The following ANO3 variants were observed in gnomAD, a reference collection of about 807,000 sequenced individuals.
ANO3 encodes anoctamin 3, also known as anoctamin-3.
In ANO3, 99 loss-of-function variants were observed where a neutral mutation model predicts 144.8. The observed-to-expected ratio is 0.68, with a 90% CI of 0.58 to 0.81. The LOEUF (loss-of-function observed/expected upper bound fraction) is 0.81, where lower values mean the gene tolerates loss of function less well. Ranked by LOEUF, ANO3 falls within the 30% of genes least tolerant of loss-of-function variation. The pLI, the probability that ANO3 is intolerant of heterozygous loss-of-function variation, is 0.00. For synonymous variants in ANO3, 414 were observed against 392.6 expected (o/e 1.05, Z -0.64); for missense variants, 905 against 1,202.2 (o/e 0.75, Z 3.66).
chr11:26,324,528 T>A (rs984290430), intron 1 of ANO3, among the ~76,000 whole-genome samples: 1 of 152,202 alleles, frequency 6.6e-6, no homozygotes, highest in Non-Finnish European at 1.5e-5. Flanking sequence ...ATATACACTT[T>A]TAAAAATGAG....
At chr11:26,430,644 TAGAAGAC>T (rs1217254221) in intron 1 of ANO3, among the ~76,000 whole-genome samples, 1 of 151,692 alleles carries the variant, frequency 6.6e-6, no homozygotes, top group African/African-American at 2.4e-5. Context: ...GTTAATGAAA[TAGAAGAC>T]AGAAAAGCAA....
At chr11:26,433,417 C>T (rs1294126660) in intron 1 of ANO3, among the ~76,000 whole-genome samples, 2 of 152,106 alleles carry the variant, frequency 1.3e-5, no homozygotes. Context: ...TTGGCCAGGA[C>T]TTCCAATACT....
upstream of ANO3, among the ~76,000 whole-genome samples, chr11:26,307,972 A>G (rs889976738): frequency 6.6e-6 from 1 of 152,012 alleles, no homozygotes; most frequent in African/African-American, 2.4e-5. Flanking sequence ...CTCACACCTG[A>G]AGTTACCTTG....
chr11:26,558,644 G>A (rs293964), intron 13 of ANO3, among the ~76,000 whole-genome samples: 3,218 of 152,180 alleles, frequency 0.021, 117 homozygotes, highest in African/African-American at 0.074. Flanking sequence ...TTCAAAGGGA[G>A]CGCATCTTTT....
At chr11:26,400,644 C>T (rs1340212559) in intron 1 of ANO3, among the ~76,000 whole-genome samples, 1 of 151,524 alleles carries the variant, frequency 6.6e-6, no homozygotes, top group East Asian at 1.9e-4. Flanking sequence ...TGTTTGCATT[C>T]TGTTAAAAAG....
At chr11:26,303,420 T>C (rs1296390293) in intron 1 of ANO3, among the ~76,000 whole-genome samples, 2 of 152,232 alleles carry the variant, frequency 1.3e-5, no homozygotes, top group Admixed American at 6.5e-5. Context: ...TGGAGGCCAT[T>C]ATCCTGAGCG....
intron 7 of ANO3, among the ~76,000 whole-genome samples, chr11:26,530,444 A>G (rs576642769): frequency 1.4e-4 from 21 of 150,266 alleles, no homozygotes; most frequent in Non-Finnish European, 2.2e-4. Flanking sequence ...ATTAATATCT[A>G]TCATCTATCT....
At chr11:26,218,586 T>C (rs528034649) in intron 1 of ANO3, among the ~76,000 whole-genome samples, 4 of 152,266 alleles carry the variant, frequency 2.6e-5, no homozygotes, top group Admixed American at 2.6e-4. Flanking sequence ...TACTGCAAAT[T>C]AGCATTTGCC....
chr11:26,535,105 T>A (rs1316146537), intron 9 of ANO3, among the ~76,000 whole-genome samples: 1 of 152,218 alleles, frequency 6.6e-6, no homozygotes, highest in African/African-American at 2.4e-5. Context: ...ATTTATCAAC[T>A]CCAAAAGATA....
chr11:26,277,217 A>G (rs547186930), intron 1 of ANO3, among the ~76,000 whole-genome samples: 2 of 152,258 alleles, frequency 1.3e-5, no homozygotes, highest in East Asian at 3.9e-4. Context: ...TTTTAATAAA[A>G]ATAAGCAGTT....
intron 1 of ANO3, among the ~76,000 whole-genome samples, chr11:26,401,782 C>G (rs780186875): frequency 9.9e-5 from 15 of 151,990 alleles, no homozygotes. Context: ...GTGGCTGAGT[C>G]AGGAGACTCA....
intron 6 of ANO3, among the ~76,000 whole-genome samples, chr11:26,520,388 C>G (rs1479336509): frequency 6.6e-6 from 1 of 152,056 alleles, no homozygotes; most frequent in Non-Finnish European, 1.5e-5. Context: ...GGGGGGAAAA[C>G]ATGGAACATG....
intron 14 of ANO3, among the ~76,000 whole-genome samples, chr11:26,594,333 G>T (rs183458416): frequency 6.6e-6 from 1 of 152,068 alleles, no homozygotes; most frequent in Non-Finnish European, 1.5e-5. Flanking sequence ...TGACTGAGAC[G>T]CCAGAGATCA....
chr11:26,492,397 T>C (rs1590412856), intron 4 of ANO3, among the ~76,000 whole-genome samples: 1 of 152,210 alleles, frequency 6.6e-6, no homozygotes, highest in Non-Finnish European at 1.5e-5. Context: ...TAGTAGAACT[T>C]ATCTGTTCAA....
intron 2 of ANO3, 99 bp from the exon 3 acceptor site, chr11:26,443,666 A>T: frequency 1.7e-6 from 1 of 571,470 alleles, no homozygotes; most frequent in Non-Finnish European, 3.0e-6. Flanking sequence ...AAGAAATTTC[A>T]TCATGTTTGG....
intron 1 of ANO3, among the ~76,000 whole-genome samples, chr11:26,364,675 G>T (rs1856014852): frequency 6.6e-6 from 1 of 152,120 alleles, no homozygotes; most frequent in Non-Finnish European, 1.5e-5. Flanking sequence ...TAGATCTGAT[G>T]AAAACTCACT....
At chr11:26,565,346 G>C in intron 14 of ANO3, 1 of 1,612,560 alleles carries the variant, frequency 6.2e-7, no homozygotes, top group Non-Finnish European at 8.5e-7. Context: ...GTTCTGAAGA[G>C]AGGATGCTAA....
chr11:26,571,996 G>A (rs1850846981), intron 14 of ANO3: 3 of 743,556 alleles, frequency 4.0e-6, no homozygotes, highest in African/African-American at 1.9e-5. Context: ...AGTAGAGAGT[G>A]AAAGAGAGAA....
intron 1 of ANO3, among the ~76,000 whole-genome samples, chr11:26,392,738 G>C (rs576465425): frequency 6.6e-6 from 1 of 152,188 alleles, no homozygotes; most frequent in South Asian, 2.1e-4. Flanking sequence ...GAGAATGAAA[G>C]AGAGAGAATA....
Sources: gnomAD v4.1 joint callset for allele counts (sites outside exome capture counted in the v4.1 genomes callset) on GRCh38, gnomAD v4.1.1 for gene constraint, MANE v1.5 for transcripts, NCBI Gene and HGNC (gene_info 2026-07-23, HGNC 2026-07-21) for gene names.